Variants in RGS7 observed in about 807,000 individuals in gnomAD.
RGS7 encodes regulator of G protein signaling 7.
A neutral mutation model predicts 81.1 loss-of-function variants in RGS7; 27 were observed. The ratio of observed to expected loss-of-function variants is 0.33; its 90% CI spans 0.25 to 0.46. The LOEUF (loss-of-function observed/expected upper bound fraction) is 0.46. Among genes scored for constraint, RGS7 ranks in the 20% least tolerant of loss-of-function variants. RGS7 has a pLI of 1.00. For missense variants in RGS7, 396 were observed against 607.4 expected (o/e 0.65, Z 3.66); for synonymous variants, 208 against 207.7 (o/e 1.00, Z -0.01).
At chr1:240,885,882 C>G (rs1055520297) in intron 6 of RGS7, among the ~76,000 whole-genome samples, 3 of 152,120 alleles carry the variant, frequency 2.0e-5, no homozygotes, top group Non-Finnish European at 2.9e-5. Flanking sequence ...AACCTGCGCA[C>G]ATACTCCCAA....
intron 3 of RGS7, among the ~76,000 whole-genome samples, chr1:241,011,231 C>T (rs542304937): frequency 6.6e-6 from 1 of 152,092 alleles, no homozygotes; most frequent in Non-Finnish European, 1.5e-5. Context: ...CTGTTGACTG[C>T]CTCAAATGGA....
intron 2 of RGS7, among the ~76,000 whole-genome samples, chr1:241,334,074 T>C (rs1356364189): frequency 6.6e-6 from 1 of 151,626 alleles, no homozygotes; most frequent in African/African-American, 2.4e-5. Flanking sequence ...TATGTATATG[T>C]ATATATGTAT....
At chr1:241,192,159 G>GGTGT (rs58714151) in intron 2 of RGS7, among the ~76,000 whole-genome samples, 7,336 of 121,752 alleles carry the variant, frequency 0.06, 335 homozygotes, top group African/African-American at 0.12. Context: ...AGAGAAAACA[G>GGTGT]GTGTGTGTGT....
chr1:241,224,328 T>C (rs576408696), intron 2 of RGS7, among the ~76,000 whole-genome samples: 1 of 147,128 alleles, frequency 6.8e-6, no homozygotes, highest in African/African-American at 2.5e-5. Flanking sequence ...CTCCCACTTA[T>C]GGGTGAGAAC....
chr1:241,063,747 GT>G (rs71172676), intron 3 of RGS7, among the ~76,000 whole-genome samples: 5,489 of 147,416 alleles, frequency 0.037, 294 homozygotes, highest in African/African-American at 0.11. Flanking sequence ...GCACTGCTCT[GT>G]TTTTTTTTTA....
chr1:240,982,649 A>T (rs955649647), intron 4 of RGS7, among the ~76,000 whole-genome samples: 1 of 152,152 alleles, frequency 6.6e-6, no homozygotes, highest in Non-Finnish European at 1.5e-5. Context: ...GAGAAAAAAA[A>T]TCAGAATTAC....
At chr1:241,059,568 T>G (rs1387729420) in intron 3 of RGS7, among the ~76,000 whole-genome samples, 1 of 152,098 alleles carries the variant, frequency 6.6e-6, no homozygotes, top group Admixed American at 6.5e-5. Context: ...TTAGACATAA[T>G]TTTTCGTTTG....
intron 2 of RGS7, among the ~76,000 whole-genome samples, chr1:241,222,839 G>A (rs1046437734): frequency 8.8e-5 from 11 of 125,450 alleles, no homozygotes; most frequent in African/African-American, 3.5e-4. Flanking sequence ...GACAGGCCCT[G>A]GTGTGTGATG....
At chr1:241,028,599 C>T (rs1203871350) in intron 3 of RGS7, among the ~76,000 whole-genome samples, 3 of 152,074 alleles carry the variant, frequency 2.0e-5, no homozygotes, top group African/African-American at 7.2e-5. Flanking sequence ...CATCAAAGAA[C>T]GTGTTTCAGC....
intron 2 of RGS7, among the ~76,000 whole-genome samples, chr1:241,157,035 T>C (rs562264262): frequency 1.3e-5 from 2 of 152,316 alleles, no homozygotes; most frequent in African/African-American, 4.8e-5. Flanking sequence ...AGTGTACATA[T>C]ATGTTTTAAA....
intron 4 of RGS7, among the ~76,000 whole-genome samples, chr1:240,962,124 G>T (rs1166343571): frequency 6.6e-6 from 1 of 152,056 alleles, no homozygotes. Flanking sequence ...CACCGTACTT[G>T]TCTTCTTCCG....
chr1:240,813,653 C>T lies in RGS7; in HGVS notation c.921G>A (p.Leu307=), dbSNP rs775061802. The change falls in exon 13 of 19, where the codon CTG becomes CTA. Residue 307 remains leucine (L), a synonymous_variant. Coordinates refer to ENST00000440928, the MANE Select transcript of RGS7 (RefSeq NM_001364886.1). ...GTTCCCAGAAAGTGGTGTCATCGGA[C>T]AGCCATGGGTTAGAAGGGTCAGGTG... is the stretch of plus-strand genomic sequence containing the variant. ...LLPPDPSNPW[L]SDDTTFWELE... is the part of the protein sequence containing the mutation. The T allele has an allele frequency of 1.2e-6, 2 of 1,613,776 alleles. No homozygotes were observed. The highest frequency in any genetic ancestry group is 2.2e-5 in the East Asian group (1 of 44,880).
chr1:241,269,430 C>T (rs888874228), intron 2 of RGS7, among the ~76,000 whole-genome samples: 17 of 152,210 alleles, frequency 1.1e-4, no homozygotes, highest in Admixed American at 1.1e-3. Flanking sequence ...TCGAGCAAGG[C>T]CTCCTGCCCA....
rs537809411 is a variant in RGS7, at chr1:241,262,107, G to C, written c.78+93592C>G. 4.6e-5 allele frequency among the ~76,000 whole-genome samples: 7 copies of C among 152,192 alleles called. No homozygotes were observed. The South Asian group carries it at 1.5e-3, about 32-fold the overall frequency. On this transcript the variant is annotated intron_variant, in intron 2 of 18. Coordinates refer to ENST00000440928, the MANE Select transcript of RGS7 (RefSeq NM_001364886.1). The stretch of plus-strand genomic sequence containing the variant: ...TCAATTTCAGACCCTCACATGAAAG[G>C]CTGGGACTGTTCCACCCTACCCCAT...
chr1:240,812,150 T>C, intron 13 of RGS7, 107 bp from the exon 14 acceptor site: 1 of 1,169,208 alleles, frequency 8.6e-7, no homozygotes, highest in South Asian at 1.3e-5. Flanking sequence ...TTCCCATCTT[T>C]ACCTTTTCTT....
In RGS7 at chr1:241,096,477, G is replaced by A. The variant is rs534993036; in HGVS notation, c.175+2189C>T. On this transcript the variant is annotated intron_variant, in intron 3 of 18. Coordinates refer to ENST00000440928, the MANE Select transcript of RGS7 (RefSeq NM_001364886.1). ...TAATTGAACCTACGAGGCAGAGCAC[G>A]CCTGCAAAGTTTCCAGGGAATATAA... Among the ~76,000 whole-genome samples, 14 of 151,898 alleles carry A rather than the reference G, an allele frequency of 9.2e-5. No homozygotes were observed. In the South Asian group the frequency reaches 1.9e-3, roughly 20 times the overall value.
chr1:241,178,421 A>C (rs2071339107), intron 2 of RGS7, among the ~76,000 whole-genome samples: 1 of 152,230 alleles, frequency 6.6e-6, no homozygotes, highest in African/African-American at 2.4e-5. Flanking sequence ...CCATAGAACC[A>C]GCTGTGATCA....
intron 2 of RGS7, among the ~76,000 whole-genome samples, chr1:241,330,850 G>A (rs2081938565): frequency 6.6e-6 from 1 of 152,150 alleles, no homozygotes; most frequent in Non-Finnish European, 1.5e-5. Flanking sequence ...CTATTTGAGT[G>A]ATGCTTTCAA....
At chr1:240,774,962 G>A (rs911188294), downstream of RGS7, among the ~76,000 whole-genome samples, 10 of 152,114 alleles carry the variant, frequency 6.6e-5, no homozygotes, top group East Asian at 1.9e-4. Flanking sequence ...GAGGATTTAC[G>A]TAGTTTATAT....
Sources: gnomAD v4.1 joint callset for allele counts (sites outside exome capture counted in the v4.1 genomes callset) on GRCh38, gnomAD v4.1.1 for gene constraint, MANE v1.5 for transcripts, NCBI Gene and HGNC (gene_info 2026-07-23, HGNC 2026-07-21) for gene names.